The following FBXW11 variants were observed in gnomAD, a reference collection of about 807,000 sequenced individuals.
The protein encoded by FBXW11 is F-box/WD repeat-containing protein 11.
A neutral mutation model predicts 77.6 loss-of-function variants in FBXW11; 19 were observed. The observed-to-expected ratio is 0.24, with a 90% CI of 0.17 to 0.36. The LOEUF (loss-of-function observed/expected upper bound fraction) is 0.36. Ranked by LOEUF, FBXW11 falls within the 10% of genes least tolerant of loss-of-function variation. FBXW11 has a pLI of 1.00. For synonymous variants in FBXW11, 235 were observed against 249.4 expected (o/e 0.94, Z 0.54); for missense variants, 334 against 704.2 (o/e 0.47, Z 5.95).
intron 2 of FBXW11, among the ~76,000 whole-genome samples, chr5:171,939,923 C>T (rs779172991): frequency 6.6e-6 from 1 of 152,032 alleles, no homozygotes; most frequent in Non-Finnish European, 1.5e-5. Flanking sequence ...TTGCATGTAA[C>T]CTAAGCACAT....
intron 4 of FBXW11, 30 bp from the exon 5 acceptor site, chr5:171,900,130 G>A (rs770314092): frequency 1.9e-5 from 29 of 1,557,540 alleles, no homozygotes; most frequent in Middle Eastern, 1.7e-4. Flanking sequence ...ATGAAGGAAC[G>A]GGAAGAGAGA....
intron 2 of FBXW11, among the ~76,000 whole-genome samples, chr5:171,937,186 T>C (rs1224224882): frequency 1.3e-5 from 2 of 152,220 alleles, no homozygotes; most frequent in African/African-American, 2.4e-5. Flanking sequence ...AAATTCTTTA[T>C]GGAGCTAGAC....
intron 9 of FBXW11, 45 bp from the exon 10 acceptor site, chr5:171,873,035 G>A (rs759136194): frequency 5.4e-6 from 8 of 1,480,182 alleles, no homozygotes; most frequent in Admixed American, 1.7e-5. Flanking sequence ...ACACAGGAAA[G>A]TCCTCTCACA....
intron 2 of FBXW11, among the ~76,000 whole-genome samples, chr5:171,924,769 C>T (rs1177705157): frequency 7.3e-6 from 1 of 136,102 alleles, no homozygotes; most frequent in Admixed American, 7.3e-5. Context: ...CGTCCCACCC[C>T]CCCACCCCCG....
chr5:171,901,421 T>G (rs1760107608), intron 4 of FBXW11, among the ~76,000 whole-genome samples: 1 of 152,216 alleles, frequency 6.6e-6, no homozygotes, highest in African/African-American at 2.4e-5. Flanking sequence ...AGATGATGCA[T>G]GAAAAATGCT....
intron 2 of FBXW11, among the ~76,000 whole-genome samples, chr5:171,916,785 C>T (rs994784925): frequency 8.6e-5 from 13 of 151,930 alleles, no homozygotes; most frequent in Admixed American, 4.6e-4. Flanking sequence ...AGGTGGAGCA[C>T]GGAAAGGAAT....
chr5:171,978,414 T>A (rs1410001793), intron 1 of FBXW11, among the ~76,000 whole-genome samples: 4 of 152,162 alleles, frequency 2.6e-5, no homozygotes, highest in Non-Finnish European at 4.4e-5. Flanking sequence ...AGGAAAAAAC[T>A]GGACGAGAAA....
chr5:171,928,838 C>T (rs1393888209), intron 2 of FBXW11, among the ~76,000 whole-genome samples: 1 of 152,120 alleles, frequency 6.6e-6, no homozygotes, highest in Non-Finnish European at 1.5e-5. Flanking sequence ...TTTGGGAGGC[C>T]AAGGCAGGCA....
chr5:171,965,072 A>G (rs774015330), intron 1 of FBXW11, among the ~76,000 whole-genome samples: 5 of 152,220 alleles, frequency 3.3e-5, no homozygotes, highest in Non-Finnish European at 5.9e-5. Context: ...AAGAATGAGG[A>G]AAACCAAAAT....
In FBXW11 at chr5:171,910,788, C is replaced by A; in HGVS notation, c.220G>T (p.Gly74Ter). 6.4e-7 allele frequency: 1 copy of A among 1,566,076 alleles called. No homozygotes were observed. The highest frequency in any genetic ancestry group is 1.2e-5 in the South Asian group (1 of 82,138). Residue 74 changes from glycine to a stop codon, truncating the protein, a stop_gained, in exon 4 of 14, where the codon GGA (glycine) becomes TGA (stop). Coordinates refer to ENST00000517395, the MANE Select transcript of FBXW11 (RefSeq NM_001378974.1). LOFTEE classifies it high-confidence loss of function. The stretch of plus-strand genomic sequence containing the variant: ...CTGGAGACGATCACAGATGATGTTC[C>A]ATTACTTATCTATTTTAGAAAAACA... The part of the protein sequence containing the change: ...KKNTLWQISN[G>*]TSSVIVSRKR...
At chr5:171,871,992 A>C (rs967111942) in intron 10 of FBXW11, among the ~76,000 whole-genome samples, 1 of 152,252 alleles carries the variant, frequency 6.6e-6, no homozygotes, top group African/African-American at 2.4e-5. Flanking sequence ...GATGAATATA[A>C]GAGAATCAAG....
At chr5:171,996,760 C>T in intron 1 of FBXW11, 2 of 567,624 alleles carry the variant, frequency 3.5e-6, no homozygotes, top group Non-Finnish European at 5.3e-6. Flanking sequence ...AAACATGACA[C>T]TACGCACAAA....
intron 6 of FBXW11, among the ~76,000 whole-genome samples, chr5:171,892,519 CA>C (rs1759423282): frequency 6.6e-6 from 1 of 152,180 alleles, no homozygotes; most frequent in East Asian, 1.9e-4. Context: ...CCTCTTGCGG[CA>C]GTGCACACAG....
At chr5:171,901,521 T>C (rs1760112529) in intron 4 of FBXW11, among the ~76,000 whole-genome samples, 1 of 152,200 alleles carries the variant, frequency 6.6e-6, no homozygotes, top group Non-Finnish European at 1.5e-5. Flanking sequence ...AAAATTCTCT[T>C]ACTCTGGACT....
chr5:171,916,668 G>C (rs1172354018), intron 2 of FBXW11, among the ~76,000 whole-genome samples: 1 of 152,166 alleles, frequency 6.6e-6, no homozygotes, highest in African/African-American at 2.4e-5. Flanking sequence ...GGGGAGCAGT[G>C]ACTCAGTACA....
chr5:171,894,086 C>T (rs1166917909), intron 6 of FBXW11, among the ~76,000 whole-genome samples: 1 of 151,830 alleles, frequency 6.6e-6, no homozygotes, highest in African/African-American at 2.4e-5. Flanking sequence ...TTTAACTGTA[C>T]CCAAAACCCT....
chr5:171,866,244 G>A (rs1466455789), intron 13 of FBXW11, among the ~76,000 whole-genome samples: 1 of 150,226 alleles, frequency 6.7e-6, no homozygotes, highest in East Asian at 1.9e-4. Flanking sequence ...CAGCCTGGGT[G>A]ACAGAGCAAG....
intron 2 of FBXW11, among the ~76,000 whole-genome samples, chr5:171,947,691 A>G (rs941990479): frequency 3.3e-5 from 5 of 152,206 alleles, no homozygotes; most frequent in African/African-American, 7.2e-5. Flanking sequence ...ATACCCAGAC[A>G]ATGAAATTGC....
intron 1 of FBXW11, among the ~76,000 whole-genome samples, 161 bp downstream of exon 1, chr5:172,006,297 G>T (rs1581111474): frequency 6.6e-6 from 1 of 152,168 alleles, no homozygotes; most frequent in African/African-American, 2.4e-5. Flanking sequence ...GGGATCAGAG[G>T]AGCCCGCGCC....
Sources: gnomAD v4.1 joint callset for allele counts (sites outside exome capture counted in the v4.1 genomes callset) on GRCh38, gnomAD v4.1.1 for gene constraint, MANE v1.5 for transcripts, NCBI Gene and HGNC (gene_info 2026-07-23, HGNC 2026-07-21) for gene names.